Variants in XDH observed in about 807,000 individuals in gnomAD.
XDH encodes xanthine dehydrogenase/oxidase.
A neutral mutation model predicts 156.1 loss-of-function variants in XDH; 138 were observed. That is an observed-to-expected ratio of 0.88 (90% CI 0.77 to 1.02). The LOEUF (loss-of-function observed/expected upper bound fraction) is 1.02, where lower values mean the gene tolerates loss of function less well. XDH is among the 50% of genes least tolerant of loss of function. The probability of loss-of-function intolerance (pLI) is 0.00; values close to 1 mark genes in which losing one functional copy is unlikely to be tolerated. For missense variants in XDH, 1,849 were observed against 1,684.9 expected, an observed-to-expected ratio of 1.10 and a Z score of -1.71; for synonymous variants, 669 against 625.7, an observed-to-expected ratio of 1.07 and a Z score of -1.03.
chr2:31,400,913 T>C (rs1368617057), intron 4 of XDH, among the ~76,000 whole-genome samples: 1 of 152,200 alleles, frequency 6.6e-6, no homozygotes, highest in East Asian at 1.9e-4. Flanking sequence ...AGGAAGCTCT[T>C]CTGCATCCCT....
intron 6 of XDH, among the ~76,000 whole-genome samples, 170 bp downstream of exon 6, chr2:31,397,498 T>C (rs769489927): frequency 4.6e-5 from 7 of 152,206 alleles, no homozygotes; most frequent in Non-Finnish European, 1.0e-4. Flanking sequence ...TGAATAAGAA[T>C]GGCAGACTCT....
chr2:31,387,803 T>C lies in XDH; in HGVS notation c.651+8A>G, dbSNP rs1686649786. 1.3e-6 allele frequency: 2 copies of C among 1,573,780 alleles called. No homozygotes were observed. The highest frequency in any genetic ancestry group is 1.7e-6 in the Non-Finnish European group (2 of 1,159,266). On this transcript the variant is annotated splice_region_variant and intron_variant, in intron 8 of 35. Transcript: ENST00000379416. Reference sequence around the variant, plus strand: ...CCCGGCTGGATCTGTCCCTGAGGCATCACCTACCAGCAACTCTGGGGGAAA... The same window carrying C: ...CCCGGCTGGATCTGTCCCTGAGGCACCACCTACCAGCAACTCTGGGGGAAA...
intron 30 of XDH, among the ~76,000 whole-genome samples, chr2:31,345,324 C>T (rs1034303825): frequency 1.3e-5 from 2 of 152,212 alleles, no homozygotes; most frequent in African/African-American, 2.4e-5. Context: ...CGCTATAGCG[C>T]TCATGTGGTA....
chr2:31,410,177 T>A lies in XDH; in HGVS notation c.43-4213A>T, dbSNP rs192438848. 4.1e-3 allele frequency among the ~76,000 whole-genome samples: 631 copies of A among 152,264 alleles called. 1 individual carries two copies. The highest frequency in any genetic ancestry group is 6.7e-3 in the Non-Finnish European group (455 of 68,008). ...CCTTAAGTGAGGTAGTTTAGTCAAA[T>A]TCATAGAGACAGAAAAAATGATGGT... On this transcript the variant is annotated intron_variant, in intron 1 of 35. Transcript: ENST00000379416.
Position 31,398,832 on chromosome 2 carries a change from CCA to C in XDH, c.307-135_307-134del, listed in dbSNP as rs1008036553. 9 of 1,416,950 alleles carry C rather than the reference CCA, an allele frequency of 6.4e-6. No individual in the cohort carries two copies. The African/African-American group carries it at 1.3e-4, about 20-fold the overall frequency. The allele number at this position is 1,416,950 out of a possible 1,614,324, so 87.8% of individuals were successfully genotyped here. ...CACTGCACAGAGTCAAGCCCCAGTGCCACCATTTACCAACTGTGACCTTGGCC... is the reference window on the plus strand; with the variant it reads ...CACTGCACAGAGTCAAGCCCCAGTGCCCATTTACCAACTGTGACCTTGGCC... On this transcript the variant is annotated intron_variant, in intron 4 of 35. Transcript: ENST00000379416.
chr2:31,388,040 G>T, intron 7 of XDH, 143 bp from the exon 8 acceptor site: 2 of 1,116,734 alleles, frequency 1.8e-6, no homozygotes, highest in Non-Finnish European at 2.6e-6. Flanking sequence ...TGGGAGGCAG[G>T]AATGAGAGAG....
At position 31,388,224 on chromosome 2, in the gene XDH, T is replaced by C. The variant is rs747481013; in HGVS notation, c.564+3A>G. 6 of 1,614,172 alleles carry C rather than the reference T, an allele frequency of 3.7e-6. No homozygotes were observed. The highest frequency in any genetic ancestry group is 1.7e-5 in the Admixed American group (1 of 60,032). On this transcript the variant is annotated splice_donor_region_variant and intron_variant, in intron 7 of 35. Coordinates refer to ENST00000379416, the MANE Select transcript of XDH (RefSeq NM_000379.4). ...GCTTCCAGGGGGAGAAGAACTCACT[T>C]ACTGAGTGGTCTTTCTTCTGGTTCA...
chr2:31,347,716 C>A, intron 28 of XDH, 66 bp from the exon 29 acceptor site: 1 of 1,577,080 alleles, frequency 6.3e-7, no homozygotes, highest in Non-Finnish European at 8.6e-7. Flanking sequence ...GCCTTCTCCC[C>A]AAGACAGGAT....
At chr2:31,365,185 G>A (rs938195241) in intron 23 of XDH, among the ~76,000 whole-genome samples, 1 of 152,198 alleles carries the variant, frequency 6.6e-6, no homozygotes, top group South Asian at 2.1e-4. Context: ...GTATGCTGGT[G>A]AATCATGTTT....
rs778960488 is a variant in XDH at position 31,349,785 on chromosome 2, T to A, written c.2870A>T (p.Asn957Ile). ...CAAGGTGAAACCCTCAAGCTTCTGG[T>A]TGAAGTGTGTCAGGTCCCCTTCTTT... ...LYKEGDLTHF[N>I]QKLEGFTLPR... The change falls in exon 26 of 36, where the codon AAC becomes ATC. Residue 957 changes from asparagine (N) to isoleucine (I), a missense_variant. Coordinates refer to ENST00000379416, the MANE Select transcript of XDH (RefSeq NM_000379.4). 5 of 1,614,036 alleles carry A rather than the reference T, an allele frequency of 3.1e-6. No homozygotes were observed. Among genetic ancestry groups the A allele is most frequent in the Non-Finnish European group, 3.4e-6 (4 of 1,180,042 alleles).
intron 11 of XDH, among the ~76,000 whole-genome samples, 157 bp from the exon 12 acceptor site, chr2:31,381,883 C>A (rs763755602): frequency 4.6e-5 from 7 of 152,170 alleles, no homozygotes; most frequent in Non-Finnish European, 8.8e-5. Flanking sequence ...GTGAGAACTT[C>A]GGCATTCTGA....
rs189115605 is a variant in XDH, at chr2:31,346,035, A to G, written c.3351+734T>C. On this transcript the variant is annotated intron_variant, in intron 30 of 35. Coordinates refer to ENST00000379416, the MANE Select transcript of XDH (RefSeq NM_000379.4). ...AAAATGGCATGTTTTCTTTAAATCT[A>G]TTGAGGAAGATTTCTAGTGAGCCGG... Among the ~76,000 whole-genome samples, 244 of 152,284 alleles carry G rather than the reference A, an allele frequency of 1.6e-3. 1 individual carries two copies. Among genetic ancestry groups the G allele is most frequent in the African/African-American group, 4.9e-3 (204 of 41,564 alleles).
intron 24 of XDH, among the ~76,000 whole-genome samples, chr2:31,362,426 A>G (rs1303397610): frequency 1.3e-5 from 2 of 152,242 alleles, no homozygotes; most frequent in African/African-American, 2.4e-5. Context: ...AGCTTGTCCC[A>G]GTAAAGCCTA....
chr2:31,408,649 A>G (rs151066260), intron 1 of XDH, among the ~76,000 whole-genome samples: 45 of 152,362 alleles, frequency 3.0e-4, no homozygotes, highest in African/African-American at 1.0e-3. Context: ...ATGATTGGCC[A>G]TCTTGTAATC....
At chr2:31,382,606 C>A (rs1686468444) in intron 11 of XDH, among the ~76,000 whole-genome samples, 1 of 152,150 alleles carries the variant, frequency 6.6e-6, no homozygotes, top group Non-Finnish European at 1.5e-5. Flanking sequence ...AAAGGAAATT[C>A]CCCTCTCAAT....
chr2:31,410,178 T>C (rs1327294067), intron 1 of XDH, among the ~76,000 whole-genome samples: 1 of 152,132 alleles, frequency 6.6e-6, no homozygotes, highest in Non-Finnish European at 1.5e-5. Context: ...TTAGTCAAAT[T>C]CATAGAGACA....
chr2:31,399,700 C>T (rs1687004856), intron 4 of XDH, among the ~76,000 whole-genome samples: 1 of 152,280 alleles, frequency 6.6e-6, no homozygotes, highest in East Asian at 1.9e-4. Context: ...ATCCTGTTCT[C>T]ATGGTAGTGA....
chr2:31,379,835 A>T, intron 13 of XDH, 32 bp downstream of exon 13: 1 of 1,604,638 alleles, frequency 6.2e-7, no homozygotes, highest in Non-Finnish European at 8.5e-7. Flanking sequence ...GACTTATTTG[A>T]GCAGAGCCTG....
intron 34 of XDH, 91 bp downstream of exon 34, chr2:31,339,398 C>T: frequency 6.4e-7 from 1 of 1,555,644 alleles, no homozygotes; most frequent in Non-Finnish European, 8.8e-7. Flanking sequence ...TTTGAAGTCC[C>T]ACCAGGTGGG....
Sources: gnomAD v4.1 joint callset for allele counts (sites outside exome capture counted in the v4.1 genomes callset) on GRCh38, gnomAD v4.1.1 for gene constraint, MANE v1.5 for transcripts, NCBI Gene and HGNC (gene_info 2026-07-23, HGNC 2026-07-21) for gene names.